The following NRG3 variants were observed in gnomAD, a reference collection of about 807,000 sequenced individuals.
The protein encoded by NRG3 is neuregulin 3.
In NRG3, 31 loss-of-function variants were observed where a neutral mutation model predicts 66.9. The ratio of observed to expected loss-of-function variants is 0.46; its 90% CI spans 0.35 to 0.63. The LOEUF is 0.63. Ranked by LOEUF, NRG3 falls within the 20% of genes least tolerant of loss-of-function variation. NRG3 has a pLI of 0.00. For missense variants in NRG3, 910 were observed against 878.9 expected (o/e 1.04, Z -0.45); for synonymous variants, 393 against 359.4 (o/e 1.09, Z -1.06).
At chr10:82,578,942 C>T (rs1334402947) in intron 2 of NRG3, among the ~76,000 whole-genome samples, 1 of 151,650 alleles carries the variant, frequency 6.6e-6, no homozygotes, top group Non-Finnish European at 1.5e-5. Flanking sequence ...TAAATGTGAC[C>T]TCTATGATCT....
intron 2 of NRG3, among the ~76,000 whole-genome samples, chr10:82,556,590 C>T (rs1294466608): frequency 6.6e-6 from 1 of 152,058 alleles, no homozygotes; most frequent in Admixed American, 6.5e-5. Flanking sequence ...TCTGGTTTGT[C>T]TGGTGAGAAT....
chr10:82,532,627 A>G (rs554508836), intron 2 of NRG3, among the ~76,000 whole-genome samples: 1 of 148,972 alleles, frequency 6.7e-6, no homozygotes, highest in East Asian at 2.0e-4. Flanking sequence ...ATATAGAGAG[A>G]GTACTATATA....
intron 2 of NRG3, among the ~76,000 whole-genome samples, chr10:82,657,159 G>A (rs1365706080): frequency 1.3e-5 from 2 of 151,842 alleles, no homozygotes; most frequent in Non-Finnish European, 2.9e-5. Context: ...ACTCTCTCTG[G>A]CTCTTTATTT....
intron 1 of NRG3, among the ~76,000 whole-genome samples, chr10:82,082,119 T>G (rs969369676): frequency 1.3e-5 from 2 of 152,238 alleles, no homozygotes; most frequent in African/African-American, 4.8e-5. Flanking sequence ...GTGTCATCCA[T>G]TTAAAATACT....
At chr10:82,898,795 C>T (rs1238415287) in intron 4 of NRG3, among the ~76,000 whole-genome samples, 2 of 142,466 alleles carry the variant, frequency 1.4e-5, no homozygotes, top group Non-Finnish European at 3.0e-5. Context: ...GATCTTGGCT[C>T]ACTGCAGCCT....
chr10:81,947,886 C>T (rs1034313146), intron 1 of NRG3, among the ~76,000 whole-genome samples: 12 of 151,884 alleles, frequency 7.9e-5, no homozygotes, highest in African/African-American at 2.2e-4. Context: ...AATAGAACCC[C>T]GTATTTGTAT....
intron 1 of NRG3, among the ~76,000 whole-genome samples, chr10:82,246,942 A>G (rs996755437): frequency 5.9e-5 from 9 of 152,186 alleles, no homozygotes; most frequent in Admixed American, 5.9e-4. Context: ...GTTATAAGGT[A>G]TGCTAAAGTT....
chr10:81,945,560 G>A (rs1336040603), intron 1 of NRG3, among the ~76,000 whole-genome samples: 1 of 152,088 alleles, frequency 6.6e-6, no homozygotes, highest in African/African-American at 2.4e-5. Flanking sequence ...GAAAACAAAA[G>A]CAATCTTATA....
intron 1 of NRG3, among the ~76,000 whole-genome samples, chr10:81,909,676 G>T (rs1261016232): frequency 1.3e-5 from 2 of 152,120 alleles, no homozygotes; most frequent in South Asian, 2.1e-4. Context: ...GTAAGGGGAG[G>T]CAGAAAGCAG....
At chr10:81,957,637 C>T (rs1849968779) in intron 1 of NRG3, among the ~76,000 whole-genome samples, 1 of 152,194 alleles carries the variant, frequency 6.6e-6, no homozygotes, top group South Asian at 2.1e-4. Flanking sequence ...TGGTGCCTGG[C>T]ATGTACCAGT....
At chr10:82,797,817 GAA>G (rs557775969) in intron 3 of NRG3, among the ~76,000 whole-genome samples, 76 of 152,246 alleles carry the variant, frequency 5.0e-4, no homozygotes, top group African/African-American at 1.7e-3. Context: ...ACAAAACTGT[GAA>G]TGTGGCCTCC....
chr10:82,924,137 G>A (rs1429709302), intron 4 of NRG3, among the ~76,000 whole-genome samples: 1 of 143,044 alleles, frequency 7.0e-6, no homozygotes, highest in Non-Finnish European at 1.5e-5. Context: ...AGAGAAAATT[G>A]TTGGCAAGAT....
At chr10:82,247,469 A>G (rs2077294914) in intron 1 of NRG3, among the ~76,000 whole-genome samples, 1 of 152,008 alleles carries the variant, frequency 6.6e-6, no homozygotes, top group East Asian at 1.9e-4. Flanking sequence ...ATTACTGATG[A>G]CGTAATTACC....
At chr10:81,936,922 G>T (rs1847931465) in intron 1 of NRG3, among the ~76,000 whole-genome samples, 1 of 152,132 alleles carries the variant, frequency 6.6e-6, no homozygotes, top group Non-Finnish European at 1.5e-5. Flanking sequence ...GCACATTGTT[G>T]TGCAACAGAT....
chr10:81,980,258 C>A (rs1053624880), intron 1 of NRG3, among the ~76,000 whole-genome samples: 18 of 151,030 alleles, frequency 1.2e-4, no homozygotes, highest in African/African-American at 4.4e-4. Flanking sequence ...GGAATTGGAA[C>A]ACTTGGATCG....
At chr10:82,845,667 C>G (rs557731383) in intron 3 of NRG3, among the ~76,000 whole-genome samples, 2 of 151,924 alleles carry the variant, frequency 1.3e-5, no homozygotes, top group African/African-American at 4.8e-5. Context: ...ACATTTGTCT[C>G]AAACCTTTGC....
chr10:82,168,981 T>A (rs1020127227), intron 1 of NRG3, among the ~76,000 whole-genome samples: 2 of 152,162 alleles, frequency 1.3e-5, no homozygotes, highest in Non-Finnish European at 2.9e-5. Flanking sequence ...TTATACCCTT[T>A]GTTCTTTTTA....
At chr10:82,348,301 G>A (rs1210813544) in intron 1 of NRG3, among the ~76,000 whole-genome samples, 2 of 150,946 alleles carry the variant, frequency 1.3e-5, no homozygotes, top group East Asian at 2.0e-4. Context: ...TGTCTGTAAA[G>A]TATTTTATTT....
At chr10:82,931,790 A>G (rs1847605667) in intron 4 of NRG3, among the ~76,000 whole-genome samples, 1 of 152,136 alleles carries the variant, frequency 6.6e-6, no homozygotes, top group South Asian at 2.1e-4. Flanking sequence ...TGAGTGCAAG[A>G]GGGAGGATGA....
Sources: allele counts gnomAD v4.1 joint callset (sites outside exome capture counted in the v4.1 genomes callset), GRCh38; gene constraint gnomAD v4.1.1; transcripts MANE v1.5; gene names NCBI Gene and HGNC (gene_info 2026-07-23, HGNC 2026-07-21).